Variants in AFG2A observed in about 807,000 individuals in gnomAD.
AFG2A encodes the protein AAA ATPase AFG2A.
At chr4:123,094,146 AATT>A in the AFG2A span, among the ~76,000 whole-genome samples, 2 of 152,170 alleles carry the variant, frequency 1.3e-5, no homozygotes, top group Non-Finnish European at 2.9e-5. Context: ...TTTGGGTTGT[AATT>A]GATCATCAGG....
chr4:123,047,133 A>G, the AFG2A span, among the ~76,000 whole-genome samples: 1 of 152,160 alleles, frequency 6.6e-6, no homozygotes, highest in East Asian at 1.9e-4. Flanking sequence ...TTGCTAGATC[A>G]TATGGTAGTT....
the AFG2A span, among the ~76,000 whole-genome samples, chr4:123,017,005 G>T: frequency 6.6e-6 from 1 of 152,126 alleles, no homozygotes; most frequent in Non-Finnish European, 1.5e-5. Context: ...GCCTGCAATC[G>T]CAGGCCCTCG....
the AFG2A span, among the ~76,000 whole-genome samples, chr4:122,985,825 G>A: frequency 6.7e-6 from 1 of 149,970 alleles, no homozygotes; most frequent in Admixed American, 6.6e-5. Flanking sequence ...TTGGGGTTCG[G>A]TTTGTTCTTG....
At chr4:123,033,987 C>G in the AFG2A span, among the ~76,000 whole-genome samples, 1 of 152,124 alleles carries the variant, frequency 6.6e-6, no homozygotes, top group African/African-American at 2.4e-5. Context: ...TGAAACCTGA[C>G]AAGCCGTGCC....
the AFG2A span, among the ~76,000 whole-genome samples, chr4:123,230,130 A>G: frequency 6.6e-6 from 1 of 151,912 alleles, no homozygotes; most frequent in Non-Finnish European, 1.5e-5. Flanking sequence ...CAGTTTCTTA[A>G]GATTAACAGT....
chr4:123,289,810 G>A, the AFG2A span, among the ~76,000 whole-genome samples: 2 of 151,530 alleles, frequency 1.3e-5, no homozygotes, highest in African/African-American at 4.8e-5. Context: ...TACGGTTGTT[G>A]GCCATTTGTA....
chr4:123,058,812 C>T, the AFG2A span, among the ~76,000 whole-genome samples: 1 of 24,826 alleles, frequency 4.0e-5, no homozygotes, highest in African/African-American at 8.5e-5. Flanking sequence ...CCATATCATT[C>T]CGCCCCGGCC....
At chr4:123,236,210 C>A in the AFG2A span, among the ~76,000 whole-genome samples, 1 of 152,170 alleles carries the variant, frequency 6.6e-6, no homozygotes, top group Non-Finnish European at 1.5e-5. Context: ...TCCCTAAACG[C>A]ATTCAAGAAC....
the AFG2A span, among the ~76,000 whole-genome samples, chr4:123,169,502 T>C: frequency 6.6e-6 from 1 of 152,230 alleles, no homozygotes; most frequent in African/African-American, 2.4e-5. Flanking sequence ...TCTTTTGTTT[T>C]GTTTTTTTGT....
At chr4:123,105,576 A>G in the AFG2A span, among the ~76,000 whole-genome samples, 8 of 152,316 alleles carry the variant, frequency 5.3e-5, no homozygotes, top group African/African-American at 9.6e-5. Context: ...TCTAGATGCC[A>G]TGAAGATCAT....
chr4:123,121,710 A>G, the AFG2A span, among the ~76,000 whole-genome samples: 4 of 152,222 alleles, frequency 2.6e-5, no homozygotes, highest in Non-Finnish European at 4.4e-5. Flanking sequence ...ACACTCTGTG[A>G]TGTTTGCACA....
the AFG2A span, among the ~76,000 whole-genome samples, chr4:123,226,705 T>C: frequency 0.023 from 3,544 of 152,210 alleles, 71 homozygotes; most frequent in African/African-American, 0.055. Flanking sequence ...TCTTTGGTAT[T>C]AGGATGATGC....
At chr4:123,257,033 G>A in the AFG2A span, among the ~76,000 whole-genome samples, 4 of 152,084 alleles carry the variant, frequency 2.6e-5, no homozygotes, top group African/African-American at 9.7e-5. Flanking sequence ...GAATTACTCA[G>A]TAGGCTAGGA....
chr4:123,079,566 G>C, the AFG2A span, among the ~76,000 whole-genome samples: 1 of 151,920 alleles, frequency 6.6e-6, no homozygotes, highest in African/African-American at 2.4e-5. Flanking sequence ...ACAAAAATTA[G>C]AAGAATTCTG....
At chr4:123,186,191 CTT>C in the AFG2A span, among the ~76,000 whole-genome samples, 1 of 152,046 alleles carries the variant, frequency 6.6e-6, no homozygotes, top group South Asian at 2.1e-4. Flanking sequence ...ATAATAATAT[CTT>C]AGTCTAGGAA....
At chr4:123,285,475 G>A in the AFG2A span, among the ~76,000 whole-genome samples, 224 of 152,106 alleles carry the variant, frequency 1.5e-3, 1 homozygote, top group Non-Finnish European at 2.4e-3. Context: ...AAATCACCCC[G>A]GTCCTGTCAG....
At chr4:123,146,282 G>C in the AFG2A span, among the ~76,000 whole-genome samples, 1 of 152,114 alleles carries the variant, frequency 6.6e-6, no homozygotes, top group Non-Finnish European at 1.5e-5. Context: ...GATATAGTTA[G>C]TAAAAGGAAA....
the AFG2A span, among the ~76,000 whole-genome samples, chr4:123,136,950 T>A: frequency 6.6e-6 from 1 of 152,132 alleles, no homozygotes; most frequent in Non-Finnish European, 1.5e-5. Context: ...CAGGGACCAG[T>A]TTTGTGAAAG....
chr4:122,970,698 T>A, the AFG2A span, among the ~76,000 whole-genome samples: 2 of 152,260 alleles, frequency 1.3e-5, no homozygotes, highest in East Asian at 1.9e-4. Context: ...ATAGCCTAGA[T>A]GTATAGTAGG....
Sources: allele counts gnomAD v4.1 joint callset (sites outside exome capture counted in the v4.1 genomes callset), GRCh38; gene constraint gnomAD v4.1.1; transcripts MANE v1.5; gene names NCBI Gene and HGNC (gene_info 2026-07-23, HGNC 2026-07-21).